BRWD3: variants seen among roughly 807,000 people sequenced by gnomAD.
BRWD3 encodes the protein bromodomain and WD repeat domain containing 3.
BRWD3 carries 10 observed loss-of-function variants against 149.7 expected under a neutral mutation model. The observed-to-expected ratio is 0.07, with a 90% confidence interval of 0.04 to 0.11. The LOEUF is 0.11. Ranked by LOEUF, BRWD3 falls within the 10% of genes least tolerant of loss-of-function variation. The pLI is 1.00. For missense variants in BRWD3, 940 were observed against 1,373.2 expected, an observed-to-expected ratio of 0.68 and a Z score of 4.99; for synonymous variants, 504 against 456.7, an observed-to-expected ratio of 1.10 and a Z score of -1.32.
intron 8 of BRWD3, among the ~76,000 whole-genome samples, chrX:80,737,728 A>G (rs953430730): frequency 1.8e-5 from 2 of 112,356 alleles, no homozygotes; most frequent in African/African-American, 6.5e-5. Flanking sequence ...CCAGCTACTC[A>G]GGATGCTGAG....
At chrX:80,799,403 T>TA in intron 4 of BRWD3, among the ~76,000 whole-genome samples, 1 of 112,165 alleles carries the variant, frequency 8.9e-6, no homozygotes, top group African/African-American at 3.2e-5. Flanking sequence ...CAAGTAACTC[T>TA]AAAAAACAAA....
Position 80,690,016 on chromosome X carries a change from T to C in BRWD3, c.3679A>G (p.Ile1227Val). ...ARTFNEPDSP[I>V]VKAAKIVTDV... ...GTTACAATTTTAGCTGCTTTAACTA[T>C]AGGACTGTCTGGCTCATTGAAAGTC... The change falls in exon 32 of 41, where the codon ATA (isoleucine) becomes GTA (valine). Residue 1227 changes from isoleucine (I) to valine (V), a missense_variant. This residue lies in a region of BRWD3 where 349 missense variants were observed against 419.6 expected (regional missense o/e 0.83). Transcript: ENST00000373275. The C allele has an allele frequency of 8.3e-7, 1 of 1,207,718 alleles. No individual in the cohort carries two copies. Among genetic ancestry groups the C allele is most frequent in the Non-Finnish European group, 1.1e-6 (1 of 892,020 alleles).
chrX:80,691,062 C>T lies in BRWD3; in HGVS notation c.3593G>A (p.Arg1198His), dbSNP rs755874512. ...LNTIRRRLENRFYRRISALMW... is the reference protein window; with the variant it reads ...LNTIRRRLENHFYRRISALMW... Reference sequence around the variant, plus strand: ...TTAAAAAAAAACAGACCTGTAAAAGCGATTTTCAAGTCTCCGCCTGATGGT... The same window carrying T: ...TTAAAAAAAAACAGACCTGTAAAAGTGATTTTCAAGTCTCCGCCTGATGGT... Residue 1198 changes from arginine (R) to histidine (H), a missense_variant, in exon 31 of 41, where the codon CGC (arginine) becomes CAC (histidine). Arg to His is a conservative substitution (Grantham distance 29, BLOSUM62 0). Transcript: ENST00000373275. 1.7e-6 allele frequency: 2 copies of T among 1,207,935 alleles called. No individual in the cohort carries two copies. The highest frequency in any genetic ancestry group is 2.2e-6 in the Non-Finnish European group (2 of 893,676).
intron 6 of BRWD3, among the ~76,000 whole-genome samples, chrX:80,778,942 T>C (rs2074028025): frequency 1.8e-5 from 2 of 111,628 alleles, no homozygotes; most frequent in African/African-American, 6.5e-5. Context: ...GAGTTTGCAG[T>C]CAGCCAAGAT....
intron 12 of BRWD3, among the ~76,000 whole-genome samples, chrX:80,732,542 A>G (rs961800831): frequency 1.8e-5 from 2 of 111,112 alleles, no homozygotes; most frequent in African/African-American, 6.6e-5. Flanking sequence ...GGGGGAAAAA[A>G]AGAAAGGACA....
intron 6 of BRWD3, among the ~76,000 whole-genome samples, chrX:80,748,141 C>A (rs1396049295): frequency 1.8e-5 from 2 of 111,409 alleles, no homozygotes; most frequent in African/African-American, 3.3e-5. Context: ...CCATGCCCAG[C>A]CGAGATACAT....
intron 39 of BRWD3, 55 bp from the exon 40 acceptor site, chrX:80,681,554 TAAAC>T (rs1192583364): frequency 2.0e-6 from 2 of 981,215 alleles, no homozygotes; most frequent in East Asian, 6.3e-5. Flanking sequence ...TCAGGAAAGT[TAAAC>T]AGGCTACTTT....
At chrX:80,742,899 C>T (rs1323754646) in intron 8 of BRWD3, among the ~76,000 whole-genome samples, 2 of 111,241 alleles carry the variant, frequency 1.8e-5, no homozygotes, top group Non-Finnish European at 3.8e-5. Context: ...CCTTCTCCTG[C>T]CTGATTGCCC....
Position 80,688,145 on chromosome X carries a change from T to G in BRWD3, c.3808-20A>C. 5 of 1,143,985 alleles carry G rather than the reference T, an allele frequency of 4.4e-6. No homozygotes were observed. Among genetic ancestry groups the G allele is most frequent in the Non-Finnish European group, 6.0e-6 (5 of 834,767 alleles). 94.3% of individuals were successfully genotyped at this position (1,143,985 alleles called of 1,213,427 possible). On this transcript the variant is annotated intron_variant, in intron 33 of 40. Coordinates refer to ENST00000373275, the MANE Select transcript of BRWD3 (RefSeq NM_153252.5). ...TGTATCCTTAATTAAAAAGGAAGAGTGGGAAAAGACGTTAAGTTACATTCA... is the reference window on the plus strand; with the variant it reads ...TGTATCCTTAATTAAAAAGGAAGAGGGGGAAAAGACGTTAAGTTACATTCA...
At chrX:80,694,485 G>A (rs189642480) in intron 27 of BRWD3, among the ~76,000 whole-genome samples, 341 of 110,590 alleles carry the variant, frequency 3.1e-3, no homozygotes, top group African/African-American at 0.011. Context: ...AACGTGCGCC[G>A]TGTGCCTGGA....
At chrX:80,694,384 C>T (rs2072651946) in intron 27 of BRWD3, among the ~76,000 whole-genome samples, 1 of 111,804 alleles carries the variant, frequency 8.9e-6, no homozygotes, top group Non-Finnish European at 1.9e-5. Context: ...GGTTGGAGCC[C>T]CCATACAGAG....
At chrX:80,686,622 G>A (rs765935240) in intron 35 of BRWD3, among the ~76,000 whole-genome samples, 74 of 110,269 alleles carry the variant, frequency 6.7e-4, no homozygotes, top group African/African-American at 2.2e-3. Flanking sequence ...AATAAAAGTC[G>A]GAAAGAACAG....
chrX:80,777,666 G>A (rs1471232478), intron 6 of BRWD3, among the ~76,000 whole-genome samples: 1 of 111,403 alleles, frequency 9.0e-6, no homozygotes, highest in African/African-American at 3.3e-5. Context: ...CCAAACTGTT[G>A]GGATTACAGG....
At chrX:80,719,209 C>T (rs1466456699) in intron 18 of BRWD3, among the ~76,000 whole-genome samples, 2 of 110,739 alleles carry the variant, frequency 1.8e-5, no homozygotes, top group Non-Finnish European at 3.8e-5. Context: ...CTTACCGTAG[C>T]ACTTCACTTC....
chrX:80,707,662 A>T (rs1457007686), intron 21 of BRWD3, among the ~76,000 whole-genome samples, 159 bp from the exon 22 acceptor site: 4 of 112,044 alleles, frequency 3.6e-5, no homozygotes, highest in Non-Finnish European at 1.9e-5. Context: ...TATATCTGTA[A>T]CTCACAACTA....
At chrX:80,763,997 G>A (rs1421302638) in intron 6 of BRWD3, among the ~76,000 whole-genome samples, 1 of 111,993 alleles carries the variant, frequency 8.9e-6, no homozygotes, top group Non-Finnish European at 1.9e-5. Context: ...AAAACAGCAT[G>A]CTATTGGTGA....
At chrX:80,755,291 A>G (rs2073724104) in intron 6 of BRWD3, among the ~76,000 whole-genome samples, 1 of 111,830 alleles carries the variant, frequency 8.9e-6, no homozygotes, top group Admixed American at 9.6e-5. Flanking sequence ...CTAATGAGCT[A>G]TAAGAACACC....
rs1284216639 is a variant in BRWD3, at chrX:80,726,309, TGTCTGTATAACATATAAC to T, written c.1387-1260_1387-1243del. ...TAACATATAACACGTTTACATGTTA[TGTCTGTATAACATATAAC>T]ATGTTTACATGTTATGTCTGTATAA... is the stretch of plus-strand genomic sequence containing the variant. On this transcript the variant is annotated intron_variant, in intron 14 of 40. Transcript: ENST00000373275. 9.3e-4 allele frequency among the ~76,000 whole-genome samples: 97 copies of T among 104,160 alleles called. 1 individual carries two copies. Among genetic ancestry groups the T allele is most frequent in the Non-Finnish European group, 1.5e-3 (74 of 49,610 alleles). The allele number at this position is 104,160 out of a possible 115,157, so 90.5% of individuals were successfully genotyped here.
At chrX:80,694,479 TG>T (rs2072653475) in intron 27 of BRWD3, among the ~76,000 whole-genome samples, 1 of 109,400 alleles carries the variant, frequency 9.1e-6, no homozygotes, top group African/African-American at 3.3e-5. Context: ...ACCGACAACG[TG>T]CGCCGTGTGC....
Sources: allele counts gnomAD v4.1 joint callset (sites outside exome capture counted in the v4.1 genomes callset), GRCh38; gene constraint gnomAD v4.1.1; regional missense constraint gnomAD v4.1.1; transcripts MANE v1.5; gene names NCBI Gene and HGNC (gene_info 2026-07-23, HGNC 2026-07-21).